UPF1: variants seen among roughly 807,000 people sequenced by gnomAD.
UPF1 encodes UPF1 RNA helicase and ATPase, also known as regulator of nonsense transcripts 1.
Under a neutral mutation model 129.2 loss-of-function variants are expected in UPF1, and 9 were observed. That is an observed-to-expected ratio of 0.07 (90% confidence interval 0.04 to 0.12). The LOEUF is 0.12. UPF1 is among the 10% of genes least tolerant of loss of function. The pLI is 1.00. For missense variants in UPF1, 788 were observed against 1,525.3 expected, an observed-to-expected ratio of 0.52 and a Z score of 8.05; for synonymous variants, 649 against 644.9, an observed-to-expected ratio of 1.01 and a Z score of -0.10.
rs576777473 is a variant in UPF1 at position 18,860,841 on chromosome 19, C to T, written c.2316C>T (p.Asn772=). Residue 772 remains asparagine, a synonymous_variant, in exon 17 of 24, where the codon AAC becomes AAT. Coordinates refer to ENST00000262803, the MANE Select transcript of UPF1 (RefSeq NM_002911.4). The part of the protein sequence containing the change: ...TSYLNRTEAA[N]VEKITTKLLK... ...GGTTTCTTAGGACCGAGGCTGCGAACGTGGAGAAGATCACCACGAAGTTGC... is the reference window on the plus strand; with the variant it reads ...GGTTTCTTAGGACCGAGGCTGCGAATGTGGAGAAGATCACCACGAAGTTGC... The T allele has an allele frequency of 9.3e-6, 15 of 1,612,462 alleles. No homozygotes were observed. Among genetic ancestry groups the T allele is most frequent in the Middle Eastern group, 1.7e-4 (1 of 6,026 alleles).
intron 1 of UPF1, among the ~76,000 whole-genome samples, chr19:18,843,024 C>G (rs1398391597): frequency 3.3e-5 from 5 of 152,152 alleles, no homozygotes; most frequent in African/African-American, 1.2e-4. Context: ...TGGGGCCTCA[C>G]TATCTTGCCC....
At position 18,865,718 on chromosome 19, in the gene UPF1, C is replaced by T. The variant is rs142907537; in HGVS notation, c.3177C>T (p.Ile1059=). The change falls in exon 22 of 24, where the codon ATC becomes ATT. Residue 1059 remains isoleucine, a synonymous_variant. Transcript: ENST00000262803. This position sits in a 1 kb window ranked among gnomAD's most constrained non-coding sequence, Gnocchi z 6.1. Reference sequence around the variant, plus strand: ...AGGGCGCCCTGACGCAGGGCTACATCTCCATGAGCCAGCCTTCCCAGATGA... The same window carrying T: ...AGGGCGCCCTGACGCAGGGCTACATTTCCATGAGCCAGCCTTCCCAGATGA... ...FSQGALTQGY[I]SMSQPSQMSQ... 1.7e-3 allele frequency: 2,742 copies of T among 1,613,602 alleles called. 1 individual carries two copies. The highest frequency in any genetic ancestry group is 2.2e-3 in the Non-Finnish European group (2,549 of 1,180,024).
At chr19:18,834,060 C>CA (rs2055457694) in intron 1 of UPF1, among the ~76,000 whole-genome samples, 1 of 152,080 alleles carries the variant, frequency 6.6e-6, no homozygotes, top group South Asian at 2.1e-4. Flanking sequence ...GTCTGAGCTG[C>CA]GGAGGCCCCA....
In UPF1 at chr19:18,855,993, G is replaced by A; in HGVS notation, c.1613G>A (p.Gly538Glu). ...DQLTEKIHQT[G>E]LKVVRLCAKS... ...CTAACGGAGAAGATCCACCAGACGG[G>A]GCTAAAGGTCGTGCGCCTCTGCGCC... Residue 538 changes from glycine to glutamate, a missense_variant, in exon 12 of 24, where the codon GGG becomes GAG. Gly to Glu is a moderately conservative substitution (Grantham distance 98). This residue lies in a region of UPF1 where 91 missense variants were observed against 157.2 expected (regional missense o/e 0.58). Coordinates refer to ENST00000262803, the MANE Select transcript of UPF1 (RefSeq NM_002911.4). 1 of 1,613,994 alleles carries A rather than the reference G, an allele frequency of 6.2e-7. No homozygotes were observed. Among genetic ancestry groups the A allele is most frequent in the Non-Finnish European group, 8.5e-7 (1 of 1,180,042 alleles).
At position 18,832,189 on chromosome 19, in the gene UPF1, A is replaced by G. The variant is rs868522008; in HGVS notation, c.-21A>G. On this transcript the variant is annotated 5_prime_UTR_variant, in exon 1 of 24. Transcript: ENST00000262803. The surrounding 1 kb of genome is among the most constrained non-coding windows in gnomAD (Gnocchi z 5.6). ...TCGAGTGCAGCGCGGAACCGGCCCG[A>G]GGGCCCTACCCGGAGGCACCATGAG... 2 of 1,526,824 alleles carry G rather than the reference A, an allele frequency of 1.3e-6. No homozygotes were observed. Among genetic ancestry groups the G allele is most frequent in the Admixed American group, 3.9e-5 (2 of 50,940 alleles). 94.6% of individuals were successfully genotyped at this position (1,526,824 alleles called of 1,614,324 possible).
chr19:18,842,019 T>C (rs967337565), intron 1 of UPF1, among the ~76,000 whole-genome samples: 1 of 152,108 alleles, frequency 6.6e-6, no homozygotes, highest in Non-Finnish European at 1.5e-5. Context: ...CTCTTTTAAG[T>C]TCAGGAGTTT....
In UPF1 at chr19:18,853,105, G is replaced by A. The variant is rs1231566557; in HGVS notation, c.1057+34G>A. On this transcript the variant is annotated intron_variant, in intron 7 of 23. Coordinates refer to ENST00000262803, the MANE Select transcript of UPF1 (RefSeq NM_002911.4). This position sits in a 1 kb window ranked among gnomAD's most constrained non-coding sequence, Gnocchi z 4.4. ...GATTTAGTCATAATTTGGTTAAGAG[G>A]TGATTTTAAGTTTTAAAATATTTGT... The A allele has an allele frequency of 6.2e-7, 1 of 1,612,074 alleles. No individual in the cohort carries two copies. Among genetic ancestry groups the A allele is most frequent in the African/African-American group, 1.3e-5 (1 of 74,788 alleles).
chr19:18,841,743 G>A (rs949417609), intron 1 of UPF1, among the ~76,000 whole-genome samples: 1 of 152,108 alleles, frequency 6.6e-6, no homozygotes, highest in Non-Finnish European at 1.5e-5. Context: ...CCCCGGGCTG[G>A]GAAGGCAGGG....
At chr19:18,836,026 G>T (rs1210520864) in intron 1 of UPF1, among the ~76,000 whole-genome samples, 1 of 152,166 alleles carries the variant, frequency 6.6e-6, no homozygotes, top group African/African-American at 2.4e-5. Flanking sequence ...CTCAGAGCTG[G>T]TTCAGATAAC....
chr19:18,855,849 A>G (rs2145959013), intron 11 of UPF1, 76 bp from the exon 12 acceptor site: 2 of 1,550,770 alleles, frequency 1.3e-6, no homozygotes, highest in Non-Finnish European at 8.7e-7. Flanking sequence ...CCCTGTCTCA[A>G]AAAACAGAGT....
intron 1 of UPF1, among the ~76,000 whole-genome samples, chr19:18,836,216 G>C (rs148650138): frequency 6.6e-6 from 1 of 152,308 alleles, no homozygotes; most frequent in Non-Finnish European, 1.5e-5. Flanking sequence ...GACAGTGAAG[G>C]TAATTTCAGA....
intron 23 of UPF1, 52 bp downstream of exon 23, chr19:18,866,218 TG>T: frequency 6.6e-7 from 1 of 1,509,286 alleles, no homozygotes; most frequent in Non-Finnish European, 8.8e-7. Context: ...AGGAGAAGGA[TG>T]GGAGGGGGCT....
chr19:18,853,205 G>A lies in UPF1; in HGVS notation c.1058-47G>A, dbSNP rs753198848. 8 of 1,598,906 alleles carry A rather than the reference G, an allele frequency of 5.0e-6. No individual in the cohort carries two copies. The Admixed American group carries it at 5.1e-5, about 10-fold the overall frequency. ...AATTTGAACTCTCCCTGGTGGAAGC[G>A]ACGGCGTGGGTTAAAATGGCCACCT... is the stretch of plus-strand genomic sequence containing the variant. On this transcript the variant is annotated intron_variant, in intron 7 of 23. Transcript: ENST00000262803. This position sits in a 1 kb window ranked among gnomAD's most constrained non-coding sequence, Gnocchi z 4.4.
intron 1 of UPF1, among the ~76,000 whole-genome samples, chr19:18,843,018 G>T (rs148265514): frequency 1.3e-5 from 2 of 152,216 alleles, no homozygotes; most frequent in African/African-American, 2.4e-5. Flanking sequence ...TAGAGATGGG[G>T]CCTCACTATC....
At chr19:18,852,632 C>T (rs564174200) in intron 6 of UPF1, among the ~76,000 whole-genome samples, 2 of 140,704 alleles carry the variant, frequency 1.4e-5, no homozygotes, top group South Asian at 5.1e-4. Context: ...GCGCTGACCT[C>T]CCCTCCCTCC....
intron 15 of UPF1, chr19:18,859,627 A>G (rs2055755868): frequency 1.3e-5 from 2 of 152,270 alleles, no homozygotes; most frequent in South Asian, 2.1e-4. Flanking sequence ...TCCTCTGTCC[A>G]TGTCAGGCTG....
At chr19:18,860,800 C>T (rs2055770225) in intron 16 of UPF1, 26 bp from the exon 17 acceptor site, 2 of 1,610,828 alleles carry the variant, frequency 1.2e-6, no homozygotes, top group Admixed American at 1.7e-5. Flanking sequence ...AGGTGGAGCC[C>T]AGCACTGACA....
intron 20 of UPF1, 127 bp downstream of exon 20, chr19:18,864,378 G>GGGGCGGGGAGGCCAAGGGA: frequency 2.6e-6 from 2 of 779,538 alleles, no homozygotes; most frequent in Non-Finnish European, 4.1e-6. Context: ...TGGCTCCCTT[G>GGGGCGGGGAGGCCAAGGGA]GCCTCCCCGC....
At chr19:18,834,099 C>T (rs1476013815) in intron 1 of UPF1, among the ~76,000 whole-genome samples, 1 of 152,134 alleles carries the variant, frequency 6.6e-6, no homozygotes, top group Non-Finnish European at 1.5e-5. Context: ...GCCCTGTAGA[C>T]CTTTCTGCTT....
Sources: gnomAD v4.1 joint callset for allele counts (sites outside exome capture counted in the v4.1 genomes callset) on GRCh38, gnomAD v4.1.1 for gene constraint, gnomAD v4.1.1 regional missense constraint, Gnocchi (gnomAD v3.1) non-coding constraint, MANE v1.5 for transcripts, NCBI Gene and HGNC (gene_info 2026-07-23, HGNC 2026-07-21) for gene names.